The following MOB4 variants were observed in gnomAD, a reference collection of about 807,000 sequenced individuals.
MOB4 encodes the protein MOB-like protein phocein.
In MOB4, 4 loss-of-function variants were observed where a neutral mutation model predicts 32.2. That is an observed-to-expected ratio of 0.12 (90% CI 0.06 to 0.28). The LOEUF (loss-of-function observed/expected upper bound fraction) is 0.28, where lower values mean the gene tolerates loss of function less well. Among genes scored for constraint, MOB4 ranks in the 10% least tolerant of loss-of-function variants. MOB4 has a pLI of 1.00. For missense variants in MOB4, 158 were observed against 271.2 expected (o/e 0.58, Z 2.93); for synonymous variants, 88 against 88.1 (o/e 1.00, Z 0.01).
In MOB4 at chr2:197,550,077, C is replaced by A. The variant is rs191153178; in HGVS notation, c.435-198C>A. Among the ~76,000 whole-genome samples, 26 of 152,234 alleles carry A rather than the reference C, an allele frequency of 1.7e-4. No homozygotes were observed. The East Asian group carries it at 4.6e-3, about 27-fold the overall frequency. ...ACTATAATGCTGAATTTAAGTTAGG[C>A]CCTGTGATTAGGTAGAAAGAACACT... On this transcript the variant is annotated intron_variant, in intron 6 of 7. Transcript: ENST00000323303.
chr2:197,530,986 A>G (rs2086691549), intron 2 of MOB4, among the ~76,000 whole-genome samples: 1 of 151,716 alleles, frequency 6.6e-6, no homozygotes, highest in African/African-American at 2.4e-5. Context: ...GCTTTTTTTA[A>G]ATTGTGGCAA....
Position 197,546,562 on chromosome 2 carries a change from A to G in MOB4, c.355-1774A>G, listed in dbSNP as rs560197888. 9.2e-5 allele frequency among the ~76,000 whole-genome samples: 14 copies of G among 151,966 alleles called. No individual in the cohort carries two copies. The East Asian group carries it at 2.7e-3, about 29-fold the overall frequency. ...ATCATAGTGCCACCATGTCTGGCTA[A>G]TTTTTCAAATTTTTTGTAGAGATAG... is the stretch of plus-strand genomic sequence containing the variant. On this transcript the variant is annotated intron_variant, in intron 5 of 7. Transcript: ENST00000323303.
At chr2:197,518,562 G>GTT (rs1008128065) in intron 1 of MOB4, among the ~76,000 whole-genome samples, 2 of 142,708 alleles carry the variant, frequency 1.4e-5, no homozygotes, top group Non-Finnish European at 3.1e-5. Context: ...GCACCTGGAG[G>GTT]TTTTTTTTTT....
chr2:197,519,801 G>GT (rs898374832), intron 1 of MOB4, among the ~76,000 whole-genome samples: 19 of 152,036 alleles, frequency 1.2e-4, no homozygotes, highest in African/African-American at 2.9e-4. Context: ...AACTTCCTTA[G>GT]TTTTTTTAAA....
rs1293776207 is a variant in MOB4, at chr2:197,548,320, A to G, written c.355-16A>G. 6.3e-7 allele frequency: 1 copy of G among 1,596,738 alleles called. No individual in the cohort carries two copies. Among genetic ancestry groups the G allele is most frequent in the South Asian group, 1.1e-5 (1 of 88,150 alleles). ...GAGCTCTTTGTTGATGCATTTCTAT[A>G]TTCTTTCTTTTGTAGTGTCCTGCTA... On this transcript the variant is annotated splice_polypyrimidine_tract_variant and intron_variant, in intron 5 of 7. Transcript: ENST00000323303.
At chr2:197,531,363 G>GT (rs1324439487) in intron 2 of MOB4, among the ~76,000 whole-genome samples, 2 of 151,868 alleles carry the variant, frequency 1.3e-5, no homozygotes, top group Admixed American at 6.6e-5. Flanking sequence ...CTATTTTAAA[G>GT]TGTACAGTTC....
rs751599620 is a variant in MOB4, at chr2:197,548,435, A to G, written c.434+20A>G. On this transcript the variant is annotated intron_variant, in intron 6 of 7. Transcript: ENST00000323303. ...CAGCAGGTAATCGAAACTTTTAAAC[A>G]TAGTGTTAAACATTTTAGAGTTAAT... The G allele has an allele frequency of 2.1e-6, 3 of 1,444,518 alleles. No homozygotes were observed. The highest frequency in any genetic ancestry group is 1.2e-5 in the South Asian group (1 of 85,194). 89.5% of individuals were successfully genotyped at this position (1,444,518 alleles called of 1,614,324 possible). A position where few individuals can be genotyped will look rare whatever the true frequency, so the allele number is the denominator to read the frequency against.
Position 197,535,468 on chromosome 2 carries a change from CT to C in MOB4, c.124-60del, listed in dbSNP as rs1159151657. On this transcript the variant is annotated intron_variant, in intron 2 of 7. Transcript: ENST00000323303. ...GTTATGTATTAACAAATTATATGTA[CT>C]TAACATAAGATTTACCAGGTGATAT... The C allele has an allele frequency of 3.4e-5, 51 of 1,479,858 alleles. No individual in the cohort carries two copies. The Admixed American group carries it at 1.1e-3, about 32-fold the overall frequency. The allele number at this position is 1,479,858 out of a possible 1,614,324, so 91.7% of individuals were successfully genotyped here.
At chr2:197,516,039 C>G, upstream of MOB4, 2 of 1,540,824 alleles carry the variant, frequency 1.3e-6, no homozygotes, top group East Asian at 2.5e-5. Context: ...GCGCAGGCTG[C>G]CGTCCCTACA....
intron 3 of MOB4, among the ~76,000 whole-genome samples, chr2:197,538,433 G>T (rs2086841176): frequency 6.8e-6 from 1 of 147,360 alleles, no homozygotes. Context: ...ATTTGAGGCT[G>T]TATACTTGCC....
At chr2:197,544,837 A>G (rs1375271882) in intron 5 of MOB4, among the ~76,000 whole-genome samples, 1 of 152,160 alleles carries the variant, frequency 6.6e-6, no homozygotes, top group Non-Finnish European at 1.5e-5. Flanking sequence ...AAAAAGCATC[A>G]AAACCCCAAA....
intron 5 of MOB4, among the ~76,000 whole-genome samples, chr2:197,543,275 CAGAG>C (rs1469821895): frequency 6.6e-6 from 1 of 152,172 alleles, no homozygotes; most frequent in South Asian, 2.1e-4. Flanking sequence ...GCCTATGTGA[CAGAG>C]AGAGACCATG....
intron 1 of MOB4, among the ~76,000 whole-genome samples, chr2:197,517,762 G>T (rs2086440369): frequency 1.3e-5 from 2 of 151,964 alleles, no homozygotes; most frequent in South Asian, 4.1e-4. Context: ...CATGAATTTC[G>T]TTTAGTGAAA....
intron 2 of MOB4, among the ~76,000 whole-genome samples, chr2:197,533,620 G>A (rs1475313595): frequency 6.6e-6 from 1 of 151,040 alleles, no homozygotes; most frequent in Non-Finnish European, 1.5e-5. Context: ...AGCTACTCGG[G>A]AGGCTGAGGC....
At chr2:197,532,524 G>C (rs1488875710) in intron 2 of MOB4, among the ~76,000 whole-genome samples, 1 of 151,768 alleles carries the variant, frequency 6.6e-6, no homozygotes, top group Non-Finnish European at 1.5e-5. Flanking sequence ...AATTAGCCTA[G>C]GCAGTCTTGA....
chr2:197,548,006 T>C (rs1313676862), intron 5 of MOB4, among the ~76,000 whole-genome samples: 1 of 152,138 alleles, frequency 6.6e-6, no homozygotes, highest in Non-Finnish European at 1.5e-5. Context: ...ATAAGGAATA[T>C]TGTTTAGGAT....
At chr2:197,523,560 T>TA in intron 1 of MOB4, 64 bp from the exon 2 acceptor site, 1 of 1,517,522 alleles carries the variant, frequency 6.6e-7, no homozygotes, top group Non-Finnish European at 8.9e-7. Flanking sequence ...GGGTCTTTAT[T>TA]AAGAATTGAA....
chr2:197,533,190 A>C (rs918398598), intron 2 of MOB4, among the ~76,000 whole-genome samples: 4 of 152,220 alleles, frequency 2.6e-5, no homozygotes, highest in Admixed American at 6.6e-5. Flanking sequence ...TACAAATTAC[A>C]AATGTGGCAG....
At chr2:197,539,883 A>G (rs1440060763) in intron 3 of MOB4, among the ~76,000 whole-genome samples, 2 of 152,214 alleles carry the variant, frequency 1.3e-5, no homozygotes, top group Non-Finnish European at 2.9e-5. Flanking sequence ...ATATAAGAGA[A>G]TGATCAGCTC....
Sources: gnomAD v4.1 joint callset for allele counts (sites outside exome capture counted in the v4.1 genomes callset) on GRCh38, gnomAD v4.1.1 for gene constraint, MANE v1.5 for transcripts, NCBI Gene and HGNC (gene_info 2026-07-23, HGNC 2026-07-21) for gene names.